The following R3HCC1L variants were observed in gnomAD, a reference collection of about 807,000 sequenced individuals.
R3HCC1L encodes the protein coiled-coil domain-containing protein R3HCC1L.
In R3HCC1L, 51 loss-of-function variants were observed where a neutral mutation model predicts 59.9. The observed-to-expected ratio is 0.85, with a 90% CI of 0.68 to 1.07. The LOEUF is 1.07. Ranked by LOEUF, R3HCC1L falls within the 50% of genes least tolerant of loss-of-function variation. The probability of loss-of-function intolerance (pLI) is 0.00; values close to 1 mark genes in which losing one functional copy is unlikely to be tolerated. For synonymous variants in R3HCC1L, 322 were observed against 315.2 expected (o/e 1.02, Z -0.23); for missense variants, 965 against 933.0 (o/e 1.03, Z -0.45).
chr10:98,236,244 G>C, intron 9 of R3HCC1L, 80 bp downstream of exon 9: 1 of 1,524,898 alleles, frequency 6.6e-7, no homozygotes, highest in Non-Finnish European at 8.8e-7. Flanking sequence ...AATGAATGAA[G>C]CCCATTCCAT....
At chr10:98,233,717 A>G (rs2135667443) in intron 6 of R3HCC1L, among the ~76,000 whole-genome samples, 1 of 152,318 alleles carries the variant, frequency 6.6e-6, no homozygotes, top group African/African-American at 2.4e-5. Context: ...TTGTTCTCCA[A>G]AATAAAAGTG....
At chr10:98,192,752 A>G (rs1031375178) in intron 4 of R3HCC1L, among the ~76,000 whole-genome samples, 7 of 152,186 alleles carry the variant, frequency 4.6e-5, no homozygotes, top group African/African-American at 1.7e-4. Flanking sequence ...AACTCTTCCA[A>G]AAAATGGAAG....
intron 1 of R3HCC1L, among the ~76,000 whole-genome samples, chr10:98,154,164 T>G (rs928096525): frequency 8.6e-6 from 1 of 115,864 alleles, no homozygotes; most frequent in African/African-American, 3.4e-5. Context: ...ATCGTTATAC[T>G]ACAGAGCAGA....
At chr10:98,180,171 C>T (rs1466422160) in intron 4 of R3HCC1L, among the ~76,000 whole-genome samples, 2 of 152,078 alleles carry the variant, frequency 1.3e-5, no homozygotes, top group Non-Finnish European at 2.9e-5. Flanking sequence ...TTAGATCTTT[C>T]CTGCTTTCTC....
intron 5 of R3HCC1L, among the ~76,000 whole-genome samples, chr10:98,215,349 TC>T (rs1167480805): frequency 6.6e-6 from 1 of 152,210 alleles, no homozygotes; most frequent in Non-Finnish European, 1.5e-5. Context: ...ACAGTGCTTT[TC>T]CCTTAAAATT....
At chr10:98,222,587 G>A (rs1215946745) in intron 5 of R3HCC1L, among the ~76,000 whole-genome samples, 1 of 152,146 alleles carries the variant, frequency 6.6e-6, no homozygotes, top group Admixed American at 6.5e-5. Flanking sequence ...TTTTTAGCAT[G>A]AAGGGTTGTT....
At chr10:98,176,095 G>A (rs1420424613) in intron 4 of R3HCC1L, among the ~76,000 whole-genome samples, 1 of 152,028 alleles carries the variant, frequency 6.6e-6, no homozygotes, top group East Asian at 1.9e-4. Context: ...ATATGTGTGA[G>A]TCTTCTTCTG....
Position 98,208,906 on chromosome 10 carries a change from C to T in R3HCC1L, c.792C>T (p.Ile264=). Residue 264 remains isoleucine, a synonymous_variant, in exon 5 of 10, where the codon ATC becomes ATT. Coordinates refer to ENST00000298999, the MANE Select transcript of R3HCC1L (RefSeq NM_001351015.2). The part of the protein sequence containing the change: ...DGILNPSSGG[I]TTTSVPGSPD... ...TATTGAATCCCAGCAGCGGAGGCAT[C>T]ACCACTACTTCTGTTCCTGGAAGTC... 6.2e-7 allele frequency: 1 copy of T among 1,614,138 alleles called. No homozygotes were observed. Among genetic ancestry groups the T allele is most frequent in the Non-Finnish European group, 8.5e-7 (1 of 1,180,010 alleles).
At chr10:98,148,287 G>A (rs1185791459) in intron 1 of R3HCC1L, among the ~76,000 whole-genome samples, 1 of 152,098 alleles carries the variant, frequency 6.6e-6, no homozygotes, top group South Asian at 2.1e-4. Context: ...GAATTTTTTG[G>A]TGGAATCTTT....
At chr10:98,235,013 C>T (rs1025170168) in intron 7 of R3HCC1L, among the ~76,000 whole-genome samples, 7 of 152,060 alleles carry the variant, frequency 4.6e-5, no homozygotes, top group Admixed American at 1.3e-4. Flanking sequence ...CCTATCTGAA[C>T]CACCTAGAAT....
intron 5 of R3HCC1L, among the ~76,000 whole-genome samples, chr10:98,217,143 T>C (rs1159052881): frequency 6.6e-6 from 1 of 152,250 alleles, no homozygotes; most frequent in East Asian, 1.9e-4. Flanking sequence ...TACAGAGTTT[T>C]ATAGTTTCAG....
In R3HCC1L at chr10:98,164,815, GAGC is replaced by G. The variant is rs372570154; in HGVS notation, c.-15+1421_-15+1423del. On this transcript the variant is annotated intron_variant, in intron 4 of 9. Coordinates refer to ENST00000298999, the MANE Select transcript of R3HCC1L (RefSeq NM_001351015.2). Reference sequence around the variant, plus strand: ...GAGGGGAAGAAGTGAGAGAAGAGCAGAGCAGTTTCTAAGTTTTGTGGGCAATTT... The same window carrying G: ...GAGGGGAAGAAGTGAGAGAAGAGCAGAGTTTCTAAGTTTTGTGGGCAATTT... Among the ~76,000 whole-genome samples, 46 of 152,290 alleles carry G rather than the reference GAGC, an allele frequency of 3.0e-4. No individual in the cohort carries two copies. In the South Asian group the frequency reaches 9.1e-3, roughly 30 times the overall value.
chr10:98,224,425 T>A (rs541573656), intron 5 of R3HCC1L, among the ~76,000 whole-genome samples: 1 of 152,348 alleles, frequency 6.6e-6, no homozygotes, highest in East Asian at 1.9e-4. Flanking sequence ...TATCCTTTTA[T>A]CCCTCTGCGA....
chr10:98,137,526 T>A (rs1233486259), intron 1 of R3HCC1L, among the ~76,000 whole-genome samples: 1 of 152,246 alleles, frequency 6.6e-6, no homozygotes, highest in Non-Finnish European at 1.5e-5. Context: ...AAAATGAGGA[T>A]AGTCATCCTT....
intron 4 of R3HCC1L, among the ~76,000 whole-genome samples, chr10:98,185,110 C>T (rs1021598762): frequency 1.3e-5 from 2 of 152,098 alleles, no homozygotes; most frequent in African/African-American, 2.4e-5. Flanking sequence ...CTAGAAGTCC[C>T]ATTTCTTTAT....
intron 1 of R3HCC1L, among the ~76,000 whole-genome samples, chr10:98,143,184 G>T (rs952503576): frequency 4.6e-5 from 7 of 152,202 alleles, no homozygotes; most frequent in African/African-American, 1.7e-4. Flanking sequence ...TGTTTTGGTA[G>T]TTCTGAACTT....
intron 9 of R3HCC1L, among the ~76,000 whole-genome samples, chr10:98,238,663 C>T (rs995077289): frequency 4.6e-5 from 7 of 152,082 alleles, no homozygotes; most frequent in South Asian, 2.1e-4. Context: ...ATCTAGGTAC[C>T]GCTGATTAAA....
At chr10:98,162,818 C>T (rs570528042) in intron 2 of R3HCC1L, 65 bp from the exon 3 acceptor site, 3 of 152,296 alleles carry the variant, frequency 2.0e-5, no homozygotes, top group East Asian at 3.9e-4. Flanking sequence ...CCACCTCAGC[C>T]TCTTGAGTAG....
At chr10:98,229,830 T>G (rs1388202784) in intron 5 of R3HCC1L, among the ~76,000 whole-genome samples, 2 of 152,204 alleles carry the variant, frequency 1.3e-5, no homozygotes, top group Non-Finnish European at 2.9e-5. Flanking sequence ...CTGCATCTAT[T>G]GAGATAATCA....
Sources: allele counts gnomAD v4.1 joint callset (sites outside exome capture counted in the v4.1 genomes callset), GRCh38; gene constraint gnomAD v4.1.1; transcripts MANE v1.5; gene names NCBI Gene and HGNC (gene_info 2026-07-23, HGNC 2026-07-21).